Variants in GALNT13 observed in about 807,000 individuals in gnomAD.
GALNT13 encodes the protein UDP-GalNAc:polypeptide N-acetylgalactosaminyltransferase 13.
GALNT13 carries 28 observed loss-of-function variants against 64.2 expected under a neutral mutation model. The observed-to-expected ratio is 0.44, with a 90% CI of 0.32 to 0.60. GALNT13 has a LOEUF of 0.60. Among genes scored for constraint, GALNT13 ranks in the 20% least tolerant of loss-of-function variants. The pLI, the probability that GALNT13 is intolerant of heterozygous loss-of-function variation, is 0.05. For synonymous variants in GALNT13, 214 were observed against 224.6 expected, an observed-to-expected ratio of 0.95 and a Z score of 0.42; for missense variants, 577 against 669.8, an observed-to-expected ratio of 0.86 and a Z score of 1.53.
intron 7 of GALNT13, among the ~76,000 whole-genome samples, chr2:154,253,060 A>G (rs1690174541): frequency 6.6e-6 from 1 of 152,206 alleles, no homozygotes; most frequent in Non-Finnish European, 1.5e-5. Flanking sequence ...AATATCTAAA[A>G]TGTATACTAT....
At chr2:153,353,667 T>A in the GALNT13 span, among the ~76,000 whole-genome samples, 1 of 152,154 alleles carries the variant, frequency 6.6e-6, no homozygotes, top group Admixed American at 6.6e-5. Context: ...GAATGGGTGT[T>A]CGTTTTCATC....
chr2:153,687,551 G>A, the GALNT13 span, among the ~76,000 whole-genome samples: 2 of 151,724 alleles, frequency 1.3e-5, no homozygotes, highest in South Asian at 2.1e-4. Flanking sequence ...TATCTCTTCC[G>A]TAGAAAGCAT....
the GALNT13 span, among the ~76,000 whole-genome samples, chr2:153,632,065 A>G: frequency 1.3e-5 from 2 of 152,152 alleles, no homozygotes; most frequent in Non-Finnish European, 2.9e-5. Flanking sequence ...CCCTCTTAAG[A>G]ATTATCAAGC....
At chr2:153,222,327 T>TGG in the GALNT13 span, among the ~76,000 whole-genome samples, 2 of 95,582 alleles carry the variant, frequency 2.1e-5, no homozygotes, top group East Asian at 5.4e-4. Context: ...GGGGGGGGGG[T>TGG]GGGGTGGGGG....
At chr2:154,225,904 G>T (rs1688594229) in intron 4 of GALNT13, among the ~76,000 whole-genome samples, 1 of 152,044 alleles carries the variant, frequency 6.6e-6, no homozygotes, top group South Asian at 2.1e-4. Flanking sequence ...CTTCCTTATG[G>T]GTGTGGGGCA....
chr2:153,086,704 TTTTATTTTA>T, the GALNT13 span, among the ~76,000 whole-genome samples: 2 of 149,942 alleles, frequency 1.3e-5, no homozygotes, highest in African/African-American at 2.5e-5. Context: ...AAGTATTTTA[TTTTATTTTA>T]TTTATTTTAT....
chr2:153,719,623 G>T, the GALNT13 span, among the ~76,000 whole-genome samples: 1 of 152,202 alleles, frequency 6.6e-6, no homozygotes, highest in African/African-American at 2.4e-5. Flanking sequence ...ACGAGCCGAA[G>T]CAGGGCAAGG....
chr2:153,622,436 A>G, the GALNT13 span, among the ~76,000 whole-genome samples: 1 of 152,154 alleles, frequency 6.6e-6, no homozygotes, highest in Non-Finnish European at 1.5e-5. Context: ...AAATAGCCAC[A>G]AAAGCACATT....
At chr2:153,950,111 T>G (rs1692064968) in intron 3 of GALNT13, among the ~76,000 whole-genome samples, 1 of 152,016 alleles carries the variant, frequency 6.6e-6, no homozygotes, top group Admixed American at 6.6e-5. Context: ...AGAAAGTTAG[T>G]TCATTCAAAT....
intron 3 of GALNT13, among the ~76,000 whole-genome samples, chr2:154,078,454 A>G (rs1313474839): frequency 1.3e-5 from 2 of 151,582 alleles, no homozygotes; most frequent in Admixed American, 1.3e-4. Context: ...GATAGAGTAA[A>G]CATGTAAGCT....
chr2:153,247,124 C>T, the GALNT13 span, among the ~76,000 whole-genome samples: 38 of 152,300 alleles, frequency 2.5e-4, no homozygotes, highest in Non-Finnish European at 5.0e-4. Context: ...AATACAGAAG[C>T]ACCTAGATTC....
intron 11 of GALNT13, among the ~76,000 whole-genome samples, chr2:154,410,499 A>C (rs1322364445): frequency 6.6e-6 from 1 of 151,964 alleles, no homozygotes; most frequent in African/African-American, 2.4e-5. Flanking sequence ...TATCAAAGTC[A>C]GGGAAGAACT....
chr2:153,951,656 C>T (rs759182042), intron 3 of GALNT13, among the ~76,000 whole-genome samples: 2 of 152,018 alleles, frequency 1.3e-5, no homozygotes, highest in South Asian at 2.1e-4. Context: ...TGAGGGTGGA[C>T]TTTGAGTTTG....
chr2:153,748,380 T>G, the GALNT13 span, among the ~76,000 whole-genome samples: 2 of 152,188 alleles, frequency 1.3e-5, no homozygotes, highest in African/African-American at 4.8e-5. Flanking sequence ...GATGTAATAA[T>G]TTATATTCTC....
At chr2:153,529,079 A>G in the GALNT13 span, among the ~76,000 whole-genome samples, 1 of 151,998 alleles carries the variant, frequency 6.6e-6, no homozygotes, top group Non-Finnish European at 1.5e-5. Flanking sequence ...AGATCAGAGC[A>G]GAAATAAATG....
the GALNT13 span, among the ~76,000 whole-genome samples, chr2:153,686,308 A>G: frequency 6.6e-6 from 1 of 151,828 alleles, no homozygotes; most frequent in East Asian, 1.9e-4. Context: ...TGTTTGTGTC[A>G]TCTGTGATTT....
the GALNT13 span, among the ~76,000 whole-genome samples, chr2:153,835,493 A>G: frequency 6.6e-6 from 1 of 152,092 alleles, no homozygotes; most frequent in African/African-American, 2.4e-5. Flanking sequence ...TCATTTAAAA[A>G]ATACAAATTT....
At chr2:154,180,681 G>A (rs1448848656) in intron 4 of GALNT13, among the ~76,000 whole-genome samples, 4 of 152,004 alleles carry the variant, frequency 2.6e-5, no homozygotes, top group Non-Finnish European at 5.9e-5. Flanking sequence ...CTAAATTAAA[G>A]TCCCTATAGG....
chr2:154,104,790 G>T (rs898042970), intron 3 of GALNT13, among the ~76,000 whole-genome samples: 1 of 152,156 alleles, frequency 6.6e-6, no homozygotes, highest in Non-Finnish European at 1.5e-5. Context: ...ATTTAGTGAT[G>T]CAGTAACATA....
Sources: gnomAD v4.1 joint callset for allele counts (sites outside exome capture counted in the v4.1 genomes callset) on GRCh38, gnomAD v4.1.1 for gene constraint, MANE v1.5 for transcripts, NCBI Gene and HGNC (gene_info 2026-07-23, HGNC 2026-07-21) for gene names.